Variants in ECE1 observed in about 807,000 individuals in gnomAD.
ECE1 encodes endothelin-converting enzyme 1.
Under a neutral mutation model 98.6 loss-of-function variants are expected in ECE1, and 35 were observed. The observed-to-expected ratio is 0.35, with a 90% CI of 0.27 to 0.47. The LOEUF is 0.47. ECE1 is among the 20% of genes least tolerant of loss of function. The pLI, the probability that ECE1 is intolerant of heterozygous loss-of-function variation, is 1.00. For missense variants in ECE1, 814 were observed against 1,025.3 expected (o/e 0.79, Z 2.81); for synonymous variants, 394 against 407.1 (o/e 0.97, Z 0.39).
At chr1:21,279,016 C>T (rs949528795) in intron 3 of ECE1, among the ~76,000 whole-genome samples, 175 bp downstream of exon 3, 3 of 152,134 alleles carry the variant, frequency 2.0e-5, no homozygotes, top group African/African-American at 7.2e-5. Flanking sequence ...ATATCACCCA[C>T]GCTGCCCACT....
At chr1:21,300,226 C>T (rs759891657) in intron 1 of ECE1, among the ~76,000 whole-genome samples, 1 of 152,224 alleles carries the variant, frequency 6.6e-6, no homozygotes, top group Non-Finnish European at 1.5e-5. Flanking sequence ...TCCAGCTGGA[C>T]AACAGTATCC....
In ECE1 at chr1:21,225,155, C is replaced by T. The variant is rs530144019; in HGVS notation, c.2040+95G>A. 251 of 1,509,676 alleles carry T rather than the reference C, an allele frequency of 1.7e-4. No individual in the cohort carries two copies. The highest frequency in any genetic ancestry group is 2.2e-4 in the Non-Finnish European group (239 of 1,105,712). 93.5% of individuals were successfully genotyped at this position (1,509,676 alleles called of 1,614,324 possible). On this transcript the variant is annotated intron_variant, in intron 17 of 18. Transcript: ENST00000374893. This position sits in a 1 kb window ranked among gnomAD's most constrained non-coding sequence, Gnocchi z 5.3. ...GAAACGGAAGCTCGCACGGCTGCTG[C>T]GCCTGCCCTGGTTGTCCGTGATGAT...
chr1:21,269,244 A>G (rs1315947870), intron 4 of ECE1, among the ~76,000 whole-genome samples: 2 of 152,252 alleles, frequency 1.3e-5, no homozygotes, highest in Non-Finnish European at 2.9e-5. Flanking sequence ...CCTAGGAAAT[A>G]CATTTCCTTC....
intron 2 of ECE1, among the ~76,000 whole-genome samples, chr1:21,283,412 AG>A (rs1039788237): frequency 7.2e-5 from 11 of 151,976 alleles, no homozygotes; most frequent in Non-Finnish European, 1.5e-4. Context: ...CTGGGATTAC[AG>A]GTGTCCGCCA....
chr1:21,278,402 C>G (rs1209701365), intron 3 of ECE1, among the ~76,000 whole-genome samples: 2 of 152,210 alleles, frequency 1.3e-5, no homozygotes, highest in Non-Finnish European at 2.9e-5. Flanking sequence ...GACAAAGGCA[C>G]CGATCAAGGA....
intron 3 of ECE1, among the ~76,000 whole-genome samples, chr1:21,273,980 T>C (rs1456001952): frequency 6.6e-6 from 1 of 152,252 alleles, no homozygotes; most frequent in Non-Finnish European, 1.5e-5. Flanking sequence ...TGAAGCTGAC[T>C]GTGCAGGATC....
At chr1:21,264,723 CTG>C (rs376470624) in intron 4 of ECE1, among the ~76,000 whole-genome samples, 1 of 152,240 alleles carries the variant, frequency 6.6e-6, no homozygotes, top group East Asian at 1.9e-4. Context: ...GCTTTTTACT[CTG>C]TGTATACAGA....
chr1:21,268,570 G>C (rs1309883022), intron 4 of ECE1, among the ~76,000 whole-genome samples: 1 of 152,228 alleles, frequency 6.6e-6, no homozygotes, highest in Non-Finnish European at 1.5e-5. Flanking sequence ...ACAAGCAGAT[G>C]GTAATAACTA....
chr1:21,339,919 A>G (rs892889272), intron 1 of ECE1, among the ~76,000 whole-genome samples: 117 of 151,998 alleles, frequency 7.7e-4, no homozygotes, highest in African/African-American at 2.8e-3. Context: ...CAGGTCCTGG[A>G]CTCCAGTGCC....
upstream of ECE1, among the ~76,000 whole-genome samples, chr1:21,291,792 A>G (rs2098266811): frequency 6.6e-6 from 1 of 151,852 alleles, no homozygotes; most frequent in Non-Finnish European, 1.5e-5. Flanking sequence ...GTGCCACTGT[A>G]CTCTAGCCTG....
intron 1 of ECE1, among the ~76,000 whole-genome samples, chr1:21,324,053 C>T (rs1464445022): frequency 6.6e-6 from 1 of 152,046 alleles, no homozygotes; most frequent in Non-Finnish European, 1.5e-5. Context: ...AACTCCTGAC[C>T]TCAAGTGATC....
At chr1:21,251,824 C>T (rs1161094230) in intron 8 of ECE1, among the ~76,000 whole-genome samples, 1 of 152,216 alleles carries the variant, frequency 6.6e-6, no homozygotes, top group Non-Finnish European at 1.5e-5. Context: ...GCTGATAGAT[C>T]TGTGCCTCTT....
intron 2 of ECE1, among the ~76,000 whole-genome samples, chr1:21,280,920 G>A (rs1032362299): frequency 4.6e-5 from 7 of 152,166 alleles, no homozygotes; most frequent in Non-Finnish European, 7.4e-5. Flanking sequence ...CGGGCACGGC[G>A]GCTCATGCCT....
chr1:21,233,610 A>G lies in ECE1; in HGVS notation c.1618T>C (p.Phe540Leu), dbSNP rs764370937. 1.2e-6 allele frequency: 2 copies of G among 1,613,966 alleles called. No individual in the cohort carries two copies. Among genetic ancestry groups the G allele is most frequent in the Non-Finnish European group, 1.7e-6 (2 of 1,179,984 alleles). The part of the protein sequence containing the change: ...YFENAMRFFN[F>L]SWRVTADQLR... ...TGATCGGCAGTGACCCTCCATGAGA[A>G]GTTGAAAAACCGCATGGCATTTTCA... The change falls in exon 14 of 19, where the codon TTC becomes CTC. Residue 540 changes from phenylalanine (F) to leucine (L), a missense_variant. By Grantham distance (22) the Phe-to-Leu change is conservative (BLOSUM62 0). Around this residue, in one of 3 missense-constraint regions of ECE1, gnomAD observed 452 missense variants for 567.3 expected, o/e 0.80. Transcript: ENST00000374893. This position sits in a 1 kb window ranked among gnomAD's most constrained non-coding sequence, Gnocchi z 4.0.
intron 1 of ECE1, among the ~76,000 whole-genome samples, chr1:21,297,298 C>G (rs1638381397): frequency 6.6e-6 from 1 of 152,180 alleles, no homozygotes; most frequent in South Asian, 2.1e-4. Flanking sequence ...AGCCCCAAAC[C>G]TGGTCAGCAG....
chr1:21,275,561 T>C (rs2098245580), intron 3 of ECE1, among the ~76,000 whole-genome samples: 1 of 152,142 alleles, frequency 6.6e-6, no homozygotes, highest in Admixed American at 6.5e-5. Flanking sequence ...CGCCACTGCA[T>C]TCCAGCCTGG....
intron 3 of ECE1, among the ~76,000 whole-genome samples, chr1:21,276,786 A>G (rs1439252523): frequency 2.0e-5 from 3 of 151,542 alleles, no homozygotes; most frequent in African/African-American, 7.3e-5. Flanking sequence ...CCCAGGTTCA[A>G]GTGATTCTCC....
At chr1:21,303,792 G>A (rs918441340) in intron 1 of ECE1, among the ~76,000 whole-genome samples, 1 of 152,012 alleles carries the variant, frequency 6.6e-6, no homozygotes, top group Non-Finnish European at 1.5e-5. Flanking sequence ...GGGACTAGGA[G>A]GCATGCGCCA....
Position 21,217,372 on chromosome 1 carries a change from C to T in ECE1, c.*2583G>A, listed in dbSNP as rs2098162026. The T allele has an allele frequency of 6.6e-6, 1 of 152,342 alleles. No individual in the cohort carries two copies. The highest frequency in any genetic ancestry group is 2.4e-5 in the African/African-American group (1 of 41,468). The allele number at this position is 152,342 out of a possible 1,614,324, so 9.4% of individuals were successfully genotyped here. On this transcript the variant is annotated 3_prime_UTR_variant, in exon 19 of 19. Coordinates refer to ENST00000374893, the MANE Select transcript of ECE1 (RefSeq NM_001397.3). Reference sequence around the variant, plus strand: ...CACGTCCACGCACCCACAGAGAAGCCAGCCCTATGGCTCCCCAGGCCTAAG... The same window carrying T: ...CACGTCCACGCACCCACAGAGAAGCTAGCCCTATGGCTCCCCAGGCCTAAG...
Sources: gnomAD v4.1 joint callset for allele counts (sites outside exome capture counted in the v4.1 genomes callset) on GRCh38, gnomAD v4.1.1 for gene constraint, gnomAD v4.1.1 regional missense constraint, Gnocchi (gnomAD v3.1) non-coding constraint, MANE v1.5 for transcripts, NCBI Gene and HGNC (gene_info 2026-07-23, HGNC 2026-07-21) for gene names.